The following RBFOX1 variants were observed in gnomAD, a reference collection of about 807,000 sequenced individuals.
RBFOX1 encodes RNA binding fox-1 homolog 1, also known as RNA binding protein fox-1 homolog 1.
In RBFOX1, 8 loss-of-function variants were observed where a neutral mutation model predicts 57.7. That is an observed-to-expected ratio of 0.14 (90% CI 0.08 to 0.25). RBFOX1 has a LOEUF of 0.25. Among genes scored for constraint, RBFOX1 ranks in the 10% least tolerant of loss-of-function variants. The probability of loss-of-function intolerance (pLI) is 1.00; values close to 1 mark genes in which losing one functional copy is unlikely to be tolerated. For synonymous variants in RBFOX1, 326 were observed against 222.4 expected (o/e 1.47, Z -4.15); for missense variants, 611 against 548.5 (o/e 1.11, Z -1.14).
At chr16:7,090,741 A>T (rs1164933488) in intron 4 of RBFOX1, among the ~76,000 whole-genome samples, 1 of 152,112 alleles carries the variant, frequency 6.6e-6, no homozygotes, top group Non-Finnish European at 1.5e-5. Context: ...TGATTCACCA[A>T]ACTTGGCCAC....
At chr16:5,502,256 G>T (rs1025514611) in intron 2 of RBFOX1, among the ~76,000 whole-genome samples, 1 of 152,150 alleles carries the variant, frequency 6.6e-6, no homozygotes, top group Non-Finnish European at 1.5e-5. Context: ...AGGAAGAACG[G>T]CAGGGATGCC....
intron 2 of RBFOX1, among the ~76,000 whole-genome samples, chr16:6,560,174 C>CAAAAAAAAAAAAAAAAA (rs5815323): frequency 8.2e-6 from 1 of 121,496 alleles, no homozygotes; most frequent in African/African-American, 2.9e-5. Flanking sequence ...TGCCATTTAT[C>CAAAAAAAAAAAAAAAAA]AAAAAAAAAA....
chr16:5,596,379 C>G (rs1360440641), intron 2 of RBFOX1, among the ~76,000 whole-genome samples: 3 of 152,210 alleles, frequency 2.0e-5, no homozygotes, highest in Non-Finnish European at 4.4e-5. Context: ...TGCTACGAAG[C>G]CAATACTGGC....
At chr16:5,561,329 T>A (rs959373658) in intron 2 of RBFOX1, among the ~76,000 whole-genome samples, 5 of 152,324 alleles carry the variant, frequency 3.3e-5, no homozygotes, top group Admixed American at 3.3e-4. Flanking sequence ...ATACTTATAA[T>A]TAGGTGTCAG....
rs77445350 is a variant in RBFOX1 at position 7,678,237 on chromosome 16, G to A, written c.995+1399G>A. Among the ~76,000 whole-genome samples, 1,194 of 152,250 alleles carry A rather than the reference G, an allele frequency of 7.8e-3. 8 individuals are homozygous for A. The highest frequency in any genetic ancestry group is 0.013 in the Non-Finnish European group (874 of 68,018). Reference sequence around the variant, plus strand: ...TCAATACATAAATTATACATTTACCGAGTAATCAGTTGCCAAGATGCAAAA... The same window carrying A: ...TCAATACATAAATTATACATTTACCAAGTAATCAGTTGCCAAGATGCAAAA... On this transcript the variant is annotated intron_variant, in intron 14 of 15. Transcript: ENST00000550418.
intron 5 of RBFOX1, among the ~76,000 whole-genome samples, chr16:7,522,931 C>G (rs559582225): frequency 6.6e-6 from 1 of 152,266 alleles, no homozygotes; most frequent in African/African-American, 2.4e-5. Flanking sequence ...TACTGCTATC[C>G]AGATAATGAA....
chr16:6,288,889 G>A (rs933479), intron 1 of RBFOX1, among the ~76,000 whole-genome samples: 122,144 of 152,072 alleles, frequency 0.8, 49,222 homozygotes, highest in East Asian at 0.99. Context: ...AACCAACAGC[G>A]AATTCTGGAC....
intron 4 of RBFOX1, among the ~76,000 whole-genome samples, chr16:7,405,914 C>A (rs905326418): frequency 1.1e-4 from 17 of 152,096 alleles, no homozygotes; most frequent in Non-Finnish European, 2.4e-4. Flanking sequence ...TTGGCCATGT[C>A]CAGAGACATT....
chr16:7,198,654 C>T (rs2087437996), intron 4 of RBFOX1, among the ~76,000 whole-genome samples: 1 of 152,134 alleles, frequency 6.6e-6, no homozygotes, highest in Non-Finnish European at 1.5e-5. Context: ...GGTGGAAGGG[C>T]AAGAGGGAAG....
At chr16:7,394,212 G>C (rs144955437) in intron 4 of RBFOX1, among the ~76,000 whole-genome samples, 2,241 of 125,618 alleles carry the variant, frequency 0.018, 61 homozygotes, top group African/African-American at 0.064. Flanking sequence ...CTCTAGCCTG[G>C]GCAACAGAGC....
At chr16:6,304,287 C>CA (rs1486058060) in intron 1 of RBFOX1, among the ~76,000 whole-genome samples, 7 of 151,314 alleles carry the variant, frequency 4.6e-5, no homozygotes, top group African/African-American at 1.5e-4. Flanking sequence ...GAGTCCATCT[C>CA]AAAAAAAAGA....
At chr16:6,098,703 C>T (rs1163183818) in intron 1 of RBFOX1, among the ~76,000 whole-genome samples, 2 of 152,222 alleles carry the variant, frequency 1.3e-5, no homozygotes, top group African/African-American at 4.8e-5. Context: ...GAGACCCTTA[C>T]TACGGGTACA....
intron 3 of RBFOX1, among the ~76,000 whole-genome samples, chr16:6,941,152 C>T (rs1223081365): frequency 6.6e-6 from 1 of 151,852 alleles, no homozygotes; most frequent in Non-Finnish European, 1.5e-5. Flanking sequence ...AGGCAAGAAT[C>T]CTCAGGAAAT....
chr16:6,908,706 C>G (rs907099524), intron 3 of RBFOX1, among the ~76,000 whole-genome samples: 1 of 152,104 alleles, frequency 6.6e-6, no homozygotes, highest in African/African-American at 2.4e-5. Flanking sequence ...GGGCAGGCTC[C>G]AGGGTCAGAA....
At chr16:6,248,944 T>C (rs1464735658) in intron 1 of RBFOX1, among the ~76,000 whole-genome samples, 1 of 152,186 alleles carries the variant, frequency 6.6e-6, no homozygotes, top group Non-Finnish European at 1.5e-5. Flanking sequence ...GTGCTTTCTA[T>C]GTACGAGGTA....
chr16:7,541,543 G>A (rs1507027), intron 5 of RBFOX1, among the ~76,000 whole-genome samples: 28,996 of 151,858 alleles, frequency 0.19, 2,887 homozygotes, highest in East Asian at 0.34. Context: ...ATATATGTCC[G>A]TTTGCATTGA....
chr16:6,244,507 C>CT (rs1369914263), intron 1 of RBFOX1, among the ~76,000 whole-genome samples: 2 of 151,994 alleles, frequency 1.3e-5, no homozygotes, highest in Admixed American at 6.6e-5. Flanking sequence ...TAACTTCATA[C>CT]TTTTTTGTTT....
At chr16:7,346,593 C>G (rs992776386) in intron 4 of RBFOX1, among the ~76,000 whole-genome samples, 8 of 151,798 alleles carry the variant, frequency 5.3e-5, no homozygotes, top group South Asian at 4.2e-4. Flanking sequence ...ATAGAAGTCT[C>G]GTTGCTGACA....
rs143434631 is a variant in RBFOX1, at chr16:6,010,047, C to T, written c.351+142712C>T. Among the ~76,000 whole-genome samples, 91 of 152,180 alleles carry T rather than the reference C, an allele frequency of 6.0e-4. No homozygotes were observed. The East Asian group carries it at 0.011, about 18-fold the overall frequency. Reference sequence around the variant, plus strand: ...TGGGGTTTTTCTTTCTTATCAGGCACGTGGCTGCTGCAGGAAAGCTAACAG... The same window carrying T: ...TGGGGTTTTTCTTTCTTATCAGGCATGTGGCTGCTGCAGGAAAGCTAACAG... On this transcript the variant is annotated intron_variant, in intron 4 of 19. Coordinates refer to the RBFOX1 transcript ENST00000641259.
Sources: allele counts gnomAD v4.1 joint callset (sites outside exome capture counted in the v4.1 genomes callset), GRCh38; gene constraint gnomAD v4.1.1; transcripts MANE v1.5; gene names NCBI Gene and HGNC (gene_info 2026-07-23, HGNC 2026-07-21).